Variants in MKLN1 observed in about 807,000 individuals in gnomAD.
MKLN1 encodes muskelin 1.
MKLN1 carries 18 observed loss-of-function variants against 99.0 expected under a neutral mutation model. The observed-to-expected ratio is 0.18, with a 90% CI of 0.13 to 0.27. The LOEUF is 0.27. Among genes scored for constraint, MKLN1 ranks in the 10% least tolerant of loss-of-function variants. The pLI, the probability that MKLN1 is intolerant of heterozygous loss-of-function variation, is 1.00. For missense variants in MKLN1, 621 were observed against 875.9 expected, an observed-to-expected ratio of 0.71 and a Z score of 3.67; for synonymous variants, 288 against 293.2, an observed-to-expected ratio of 0.98 and a Z score of 0.18.
At chr7:131,399,869 A>C (rs1176151193) in intron 6 of MKLN1, among the ~76,000 whole-genome samples, 2 of 152,196 alleles carry the variant, frequency 1.3e-5, no homozygotes, top group African/African-American at 2.4e-5. Context: ...TTGTGGTGTG[A>C]ATGCTATATA....
Position 131,492,434 on chromosome 7 carries a change from C to T in MKLN1, c.*4706C>T, listed in dbSNP as rs1436332942. 2 of 151,792 alleles carry T rather than the reference C, an allele frequency of 1.3e-5. No individual in the cohort carries two copies. Among genetic ancestry groups the T allele is most frequent in the Non-Finnish European group, 2.9e-5 (2 of 67,962 alleles). 9.4% of individuals were successfully genotyped at this position (151,792 alleles called of 1,614,324 possible). Reference sequence around the variant, plus strand: ...CAGCCTTATATATGTCTCTTCCCCTCAAGAATGTGAATTTAGGCTGGGCAT... The same window carrying T: ...CAGCCTTATATATGTCTCTTCCCCTTAAGAATGTGAATTTAGGCTGGGCAT... On this transcript the variant is annotated 3_prime_UTR_variant, in exon 18 of 18. Transcript: ENST00000352689.
chr7:131,363,819 C>T (rs1420969112), intron 1 of MKLN1, among the ~76,000 whole-genome samples: 2 of 149,346 alleles, frequency 1.3e-5, no homozygotes, highest in Non-Finnish European at 3.0e-5. Context: ...TAGCACTTAT[C>T]ACAGTCTGTA....
chr7:131,395,358 C>T (rs1419238407), intron 4 of MKLN1, among the ~76,000 whole-genome samples: 5 of 151,874 alleles, frequency 3.3e-5, no homozygotes, highest in African/African-American at 1.2e-4. Context: ...GCTTTATATG[C>T]AAATCTCATT....
chr7:131,197,095 T>A (rs1020377725), intron 2 of MKLN1, among the ~76,000 whole-genome samples: 2 of 152,200 alleles, frequency 1.3e-5, no homozygotes, highest in African/African-American at 4.8e-5. Flanking sequence ...GGTTTCAGAA[T>A]CAAGACAAAG....
chr7:131,170,610 C>G (rs533878460), intron 2 of MKLN1, among the ~76,000 whole-genome samples: 29 of 152,296 alleles, frequency 1.9e-4, no homozygotes, highest in African/African-American at 5.3e-4. Flanking sequence ...ACAACCTTTT[C>G]CCACATCAGC....
At chr7:131,405,983 T>C (rs1264919541) in intron 6 of MKLN1, among the ~76,000 whole-genome samples, 2 of 152,034 alleles carry the variant, frequency 1.3e-5, no homozygotes, top group Non-Finnish European at 2.9e-5. Context: ...ATTTTCTGTC[T>C]GATTCTCATT....
chr7:131,299,446 T>C (rs1798344174), intron 3 of MKLN1, among the ~76,000 whole-genome samples: 3 of 152,256 alleles, frequency 2.0e-5, no homozygotes, highest in Non-Finnish European at 2.9e-5. Flanking sequence ...GTGCTAACTA[T>C]GAGCTAGATT....
intron 2 of MKLN1, among the ~76,000 whole-genome samples, chr7:131,186,986 A>T (rs2116372683): frequency 6.6e-6 from 1 of 152,334 alleles, no homozygotes; most frequent in Non-Finnish European, 1.5e-5. Context: ...CAGAAGGAAC[A>T]TTGTGTGCAG....
intron 2 of MKLN1, among the ~76,000 whole-genome samples, chr7:131,378,847 C>T (rs1793749362): frequency 1.3e-5 from 2 of 151,212 alleles, no homozygotes; most frequent in African/African-American, 4.9e-5. Context: ...AAAAAATACA[C>T]GCACGTGTGC....
At chr7:131,246,110 C>A (rs1420992044) in intron 3 of MKLN1, among the ~76,000 whole-genome samples, 1 of 152,230 alleles carries the variant, frequency 6.6e-6, no homozygotes, top group East Asian at 1.9e-4. Context: ...GATGTCCGTG[C>A]CATCAGCCCA....
intron 6 of MKLN1, 28 bp from the exon 7 acceptor site, chr7:131,411,278 A>T (rs1347731011): frequency 7.0e-7 from 1 of 1,424,856 alleles, no homozygotes; most frequent in Non-Finnish European, 9.9e-7. Flanking sequence ...TTAAGGTGTA[A>T]TTCTTTCTCA....
intron 2 of MKLN1, among the ~76,000 whole-genome samples, chr7:131,198,593 G>A (rs1178679303): frequency 2.0e-5 from 3 of 152,164 alleles, no homozygotes; most frequent in Admixed American, 6.5e-5. Flanking sequence ...TGGCTATATG[G>A]GAGAGTCTTT....
chr7:131,344,256 A>G (rs1159696831), intron 1 of MKLN1, among the ~76,000 whole-genome samples: 2 of 152,202 alleles, frequency 1.3e-5, no homozygotes, highest in Non-Finnish European at 2.9e-5. Context: ...AATAAATACT[A>G]CTTTTAACTA....
At chr7:131,345,895 T>C (rs1426420368) in intron 1 of MKLN1, among the ~76,000 whole-genome samples, 2 of 152,176 alleles carry the variant, frequency 1.3e-5, no homozygotes, top group Non-Finnish European at 2.9e-5. Context: ...TATATTGTTT[T>C]GGTCAATAAT....
chr7:131,148,976 C>T (rs1795852164), intron 2 of MKLN1, among the ~76,000 whole-genome samples: 1 of 152,136 alleles, frequency 6.6e-6, no homozygotes, highest in Non-Finnish European at 1.5e-5. Context: ...TTTAAAATGG[C>T]CATCTCTCAG....
intron 3 of MKLN1, among the ~76,000 whole-genome samples, chr7:131,241,398 G>A (rs1647057): frequency 3.0e-4 from 42 of 141,792 alleles, no homozygotes; most frequent in Middle Eastern, 3.7e-3. Flanking sequence ...AAAGAAAAAA[G>A]AAAAAAAAAA....
intron 3 of MKLN1, among the ~76,000 whole-genome samples, chr7:131,262,608 T>C (rs1310841667): frequency 1.3e-5 from 2 of 151,900 alleles, no homozygotes; most frequent in Non-Finnish European, 2.9e-5. Context: ...TGGAATGCAG[T>C]GGTGCGATCT....
chr7:131,490,680 AT>A lies in MKLN1; in HGVS notation c.*2954del, dbSNP rs1170273396. 6.6e-6 allele frequency: 1 copy of A among 152,620 alleles called. No homozygotes were observed. The highest frequency in any genetic ancestry group is 1.5e-5 in the Non-Finnish European group (1 of 68,016). The allele number at this position is 152,620 out of a possible 1,614,324, so 9.5% of individuals were successfully genotyped here. A position where few individuals can be genotyped will look rare whatever the true frequency, so the allele number is the denominator to read the frequency against. On this transcript the variant is annotated 3_prime_UTR_variant, in exon 18 of 18. Coordinates refer to ENST00000352689, the MANE Select transcript of MKLN1 (RefSeq NM_013255.5). ...TAATAAGTAAAAACTGATAGAATAC[AT>A]TAAAAAGTCACTGGTTTATCATAGA...
intron 2 of MKLN1, among the ~76,000 whole-genome samples, chr7:131,178,570 A>G (rs1043121393): frequency 6.6e-6 from 1 of 152,164 alleles, no homozygotes; most frequent in Non-Finnish European, 1.5e-5. Context: ...GCATCTAGCA[A>G]TCTTTGCCAC....
Sources: gnomAD v4.1 joint callset for allele counts (sites outside exome capture counted in the v4.1 genomes callset) on GRCh38, gnomAD v4.1.1 for gene constraint, MANE v1.5 for transcripts, NCBI Gene and HGNC (gene_info 2026-07-23, HGNC 2026-07-21) for gene names.